Variants in SLF1 observed in about 807,000 individuals in gnomAD.
The protein encoded by SLF1 is SMC5/6 complex localization factor 1, also known as SMC5-SMC6 complex localization factor protein 1.
SLF1 carries 105 observed loss-of-function variants against 123.0 expected under a neutral mutation model. The ratio of observed to expected loss-of-function variants is 0.85; its 90% CI spans 0.73 to 1.00. SLF1 has a LOEUF of 1.00. SLF1 is among the 50% of genes least tolerant of loss of function. SLF1 has a pLI of 0.00. For synonymous variants in SLF1, 434 were observed against 406.6 expected (o/e 1.07, Z -0.81); for missense variants, 1,239 against 1,223.0 (o/e 1.01, Z -0.20).
intron 4 of SLF1, among the ~76,000 whole-genome samples, chr5:94,642,588 AAGTT>A (rs1746568356): frequency 6.6e-6 from 1 of 152,204 alleles, no homozygotes; most frequent in African/African-American, 2.4e-5. Flanking sequence ...GGGTCAATAA[AAGTT>A]AGGATTTTGT....
intron 11 of SLF1, 86 bp from the exon 12 acceptor site, chr5:94,665,775 T>C: frequency 8.4e-7 from 1 of 1,188,654 alleles, no homozygotes; most frequent in Non-Finnish European, 1.2e-6. Context: ...TAGGCCAGGG[T>C]TACTGTTTTG....
At position 94,649,554 on chromosome 5, in the gene SLF1, TTGAAATGAAAGG is replaced by T; in HGVS notation, c.698_709del (p.Glu233_Gly236del). 6.5e-7 allele frequency: 1 copy of T among 1,538,460 alleles called. No homozygotes were observed. Among genetic ancestry groups the T allele is most frequent in the Non-Finnish European group, 8.8e-7 (1 of 1,137,750 alleles). ...GATTTCAGGAAAGATGCAGGATTTC[TTGAAATGAAAGG>T]TGCCTTAAGAGAGACCATGTATAGA... On this transcript the variant is annotated inframe_deletion, in exon 6 of 21. Transcript: ENST00000265140.
intron 9 of SLF1, among the ~76,000 whole-genome samples, chr5:94,656,389 T>C (rs932204393): frequency 6.6e-6 from 1 of 151,996 alleles, no homozygotes; most frequent in East Asian, 1.9e-4. Context: ...GGATTTAGTT[T>C]GCTAGCATTT....
At chr5:94,691,688 T>C in intron 19 of SLF1, 32 bp downstream of exon 19, 1 of 1,489,154 alleles carries the variant, frequency 6.7e-7, no homozygotes, top group Non-Finnish European at 9.1e-7. Flanking sequence ...TCTAGTCCAA[T>C]GTCTTAATAT....
intron 8 of SLF1, among the ~76,000 whole-genome samples, chr5:94,654,402 A>G (rs1208241797): frequency 2.0e-5 from 3 of 151,856 alleles, no homozygotes; most frequent in Non-Finnish European, 2.9e-5. Flanking sequence ...AAGAAAAAAA[A>G]AAAAAAAGAA....
At chr5:94,683,065 G>A (rs1752003036) in intron 15 of SLF1, among the ~76,000 whole-genome samples, 1 of 152,132 alleles carries the variant, frequency 6.6e-6, no homozygotes, top group African/African-American at 2.4e-5. Flanking sequence ...AGTTGTTTCA[G>A]TGGGAAAGAA....
At chr5:94,652,532 A>G (rs1402090219) in intron 7 of SLF1, among the ~76,000 whole-genome samples, 3 of 152,286 alleles carry the variant, frequency 2.0e-5, no homozygotes, top group South Asian at 4.1e-4. Context: ...TTGTTTGACT[A>G]TGCCACAATT....
intron 9 of SLF1, among the ~76,000 whole-genome samples, chr5:94,660,342 G>C (rs567297844): frequency 6.6e-6 from 1 of 152,198 alleles, no homozygotes; most frequent in Non-Finnish European, 1.5e-5. Context: ...TCATATCAGC[G>C]TGCTCAAGTG....
chr5:94,670,397 G>T, intron 13 of SLF1, 118 bp downstream of exon 13: 1 of 888,572 alleles, frequency 1.1e-6, no homozygotes, highest in South Asian at 2.8e-5. Flanking sequence ...TCTATTTTAA[G>T]ATAGATTTGT....
At chr5:94,641,188 C>A (rs1746405715) in intron 4 of SLF1, among the ~76,000 whole-genome samples, 1 of 150,096 alleles carries the variant, frequency 6.7e-6, no homozygotes, top group Non-Finnish European at 1.5e-5. Context: ...CCCGCCCGCC[C>A]CACCCCCCCA....
intron 15 of SLF1, among the ~76,000 whole-genome samples, chr5:94,684,984 CCTTT>C (rs1425630715): frequency 6.6e-6 from 1 of 152,206 alleles, no homozygotes; most frequent in Non-Finnish European, 1.5e-5. Context: ...GCGTCCTGGG[CCTTT>C]GCCCACTAGA....
At chr5:94,625,491 C>A (rs1792156081) in intron 1 of SLF1, among the ~76,000 whole-genome samples, 1 of 151,866 alleles carries the variant, frequency 6.6e-6, no homozygotes, top group South Asian at 2.1e-4. Context: ...TCAAGCAATT[C>A]TTCTGCCTCA....
rs1749321669 is a variant in SLF1, at chr5:94,663,098, A to C, written c.1210-652A>C. 1.3e-5 allele frequency among the ~76,000 whole-genome samples: 2 copies of C among 152,240 alleles called. 1 individual carries two copies. Among genetic ancestry groups the C allele is most frequent in the South Asian group, 4.1e-4 (2 of 4,830 alleles). On this transcript the variant is annotated intron_variant, in intron 10 of 20. Transcript: ENST00000265140. ...GAGTTCATTTTTAAGTTTAAAAGAA[A>C]ACCAAAAAATAATTTTTCACCTAAA...
intron 10 of SLF1, 89 bp from the exon 11 acceptor site, chr5:94,663,661 A>G (rs1331412673): frequency 8.9e-6 from 10 of 1,117,798 alleles, no homozygotes; most frequent in Admixed American, 6.0e-5. Flanking sequence ...ATGAATGAAT[A>G]AATAAATAAT....
intron 11 of SLF1, among the ~76,000 whole-genome samples, chr5:94,665,275 G>A (rs1213913814): frequency 6.6e-6 from 1 of 151,920 alleles, no homozygotes; most frequent in African/African-American, 2.4e-5. Flanking sequence ...GGACGTGAAG[G>A]GTAGGCTGCA....
At chr5:94,662,058 A>G (rs1317344113) in intron 9 of SLF1, among the ~76,000 whole-genome samples, 1 of 152,196 alleles carries the variant, frequency 6.6e-6, no homozygotes, top group Non-Finnish European at 1.5e-5. Context: ...TCAGATCTTC[A>G]AAGCGAATAT....
chr5:94,671,872 G>A (rs1750504421), intron 14 of SLF1, among the ~76,000 whole-genome samples: 1 of 151,460 alleles, frequency 6.6e-6, no homozygotes, highest in South Asian at 2.1e-4. Context: ...TTTAAAAGAT[G>A]TTTTAAGATT....
At chr5:94,667,861 G>A (rs111331717) in intron 12 of SLF1, among the ~76,000 whole-genome samples, 5,515 of 152,130 alleles carry the variant, frequency 0.036, 226 homozygotes, top group East Asian at 0.21. Context: ...TGATCCTCCC[G>A]CCTCAGCCTC....
At chr5:94,683,493 G>A (rs1242210496) in intron 15 of SLF1, among the ~76,000 whole-genome samples, 1 of 152,154 alleles carries the variant, frequency 6.6e-6, no homozygotes, top group Non-Finnish European at 1.5e-5. Context: ...TAAGTGCTCT[G>A]AACAGGAAAA....
Sources: gnomAD v4.1 joint callset for allele counts (sites outside exome capture counted in the v4.1 genomes callset) on GRCh38, gnomAD v4.1.1 for gene constraint, MANE v1.5 for transcripts, NCBI Gene and HGNC (gene_info 2026-07-23, HGNC 2026-07-21) for gene names.